CAPN14: variants seen among roughly 807,000 people sequenced by gnomAD.
The protein encoded by CAPN14 is calpain 14.
In CAPN14, 94 loss-of-function variants were observed where a neutral mutation model predicts 101.3. That is an observed-to-expected ratio of 0.93 (90% CI 0.79 to 1.10). The LOEUF (loss-of-function observed/expected upper bound fraction) is 1.10, where lower values mean the gene tolerates loss of function less well. CAPN14 is among the 50% of genes least tolerant of loss of function. The pLI is 0.00. For missense variants in CAPN14, 837 were observed against 828.4 expected, an observed-to-expected ratio of 1.01 and a Z score of -0.13; for synonymous variants, 338 against 317.9, an observed-to-expected ratio of 1.06 and a Z score of -0.67.
upstream of CAPN14, among the ~76,000 whole-genome samples, chr2:31,220,954 G>A (rs140269652): frequency 6.1e-3 from 936 of 152,286 alleles, 14 homozygotes; most frequent in African/African-American, 0.022. Flanking sequence ...AGGAAAAATT[G>A]ATGATTCCAT....
At chr2:31,207,218 G>T (rs1682143758) in intron 1 of CAPN14, among the ~76,000 whole-genome samples, 1 of 152,134 alleles carries the variant, frequency 6.6e-6, no homozygotes, top group African/African-American at 2.4e-5. Context: ...TCAAGGTCCT[G>T]CCCATCCCCC....
At chr2:31,181,532 A>ATTG (rs1168086806) in intron 16 of CAPN14, among the ~76,000 whole-genome samples, 1 of 56,906 alleles carries the variant, frequency 1.8e-5, no homozygotes, top group Non-Finnish European at 3.8e-5. Context: ...TTTTTATTTT[A>ATTG]TTATTATACC....
chr2:31,194,097 C>T (rs1042952266), intron 9 of CAPN14, among the ~76,000 whole-genome samples: 4 of 152,112 alleles, frequency 2.6e-5, no homozygotes, highest in African/African-American at 9.7e-5. Context: ...ATGGCCTTTT[C>T]AGGACAAAAA....
In CAPN14 at chr2:31,226,302, T is replaced by C. The variant is rs147316426; in HGVS notation, c.-53+226A>G. On this transcript the variant is annotated intron_variant and NMD_transcript_variant, in intron 2 of 21. Transcript: ENST00000398824. ...TCAGGTTCTCTGTGCTCACAGACAT[T>C]TTTGTAGTCATAGACTTATCTGTTA... 7.3e-3 allele frequency among the ~76,000 whole-genome samples: 1,115 copies of C among 152,278 alleles called. 9 individuals carry two copies. Among genetic ancestry groups the C allele is most frequent in the East Asian group, 0.014 (71 of 5,178 alleles).
At chr2:31,205,653 G>A (rs1439444387) in intron 1 of CAPN14, among the ~76,000 whole-genome samples, 154 bp from the exon 2 acceptor site, 2 of 152,162 alleles carry the variant, frequency 1.3e-5, no homozygotes, top group East Asian at 1.9e-4. Flanking sequence ...CCCAGAGAGT[G>A]TGGGTCCTTG....
Position 31,200,549 on chromosome 2 carries a change from T to C in CAPN14, c.628A>G (p.Met210Val). 2 of 1,551,670 alleles carry C rather than the reference T, an allele frequency of 1.3e-6. No individual in the cohort carries two copies. The highest frequency in any genetic ancestry group is 1.7e-6 in the Non-Finnish European group (2 of 1,146,984). The change falls in exon 6 of 22, where the codon ATG becomes GTG. Residue 210 changes from methionine to valine, a missense_variant. By Grantham distance (21) the Met-to-Val change is conservative. Coordinates refer to ENST00000403897, the MANE Select transcript of CAPN14 (RefSeq NM_001145122.2). ...TGGGCTTCTGCCAGGTTGATGGTCA[T>C]TGTCACCCCTCCAGTGAAGTCTACA... ...ALVDFTGGVT[M>V]TINLAEAHGN... is the part of the protein sequence containing the mutation.
At chr2:31,202,461 T>C (rs1384906917) in intron 3 of CAPN14, among the ~76,000 whole-genome samples, 1 of 152,188 alleles carries the variant, frequency 6.6e-6, no homozygotes, top group Non-Finnish European at 1.5e-5. Flanking sequence ...CAGAGCCATG[T>C]TCCTGGGCCA....
intron 1 of CAPN14, among the ~76,000 whole-genome samples, chr2:31,229,880 C>A (rs1683137385): frequency 6.6e-6 from 1 of 152,136 alleles, no homozygotes; most frequent in Non-Finnish European, 1.5e-5. Flanking sequence ...CCATGAACAA[C>A]AGATAGTGGT....
chr2:31,180,838 A>G (rs927966114), intron 17 of CAPN14, 98 bp downstream of exon 17: 28 of 1,017,676 alleles, frequency 2.8e-5, no homozygotes, highest in Non-Finnish European at 3.8e-5. Flanking sequence ...TCCCACAATT[A>G]GCAAGGATTG....
At chr2:31,209,647 T>C (rs1270788264) in intron 1 of CAPN14, among the ~76,000 whole-genome samples, 1 of 152,192 alleles carries the variant, frequency 6.6e-6, no homozygotes, top group African/African-American at 2.4e-5. Flanking sequence ...ACATTTTAAA[T>C]GTGGGAGAAG....
intron 1 of CAPN14, among the ~76,000 whole-genome samples, chr2:31,229,765 C>G (rs1683133527): frequency 6.6e-6 from 1 of 151,954 alleles, no homozygotes; most frequent in Non-Finnish European, 1.5e-5. Flanking sequence ...TGTACCCATC[C>G]CCAATTCCAT....
At position 31,212,319 on chromosome 2, in the gene CAPN14, AAAAAAAAAC is replaced by A. The variant is rs1354185000; in HGVS notation, c.-53+5128_-53+5136del. On this transcript the variant is annotated intron_variant, in intron 1 of 21. Transcript: ENST00000403897. ...AATAAGACCGTCTCAAAACAAAAAA[AAAAAAAAAC>A]AAAAAAAACACAATGTGGTACATGT... is the stretch of plus-strand genomic sequence containing the variant. 1.3e-4 allele frequency among the ~76,000 whole-genome samples: 19 copies of A among 151,118 alleles called. No homozygotes were observed. In the South Asian group the frequency reaches 3.6e-3, roughly 28 times the overall value.
chr2:31,200,345 G>T lies in CAPN14; in HGVS notation c.726+106C>A, dbSNP rs1681689874. 4.0e-6 allele frequency: 4 copies of T among 1,004,226 alleles called. No homozygotes were observed. The Admixed American group carries it at 8.1e-5, about 20-fold the overall frequency. 62.2% of individuals were successfully genotyped at this position (1,004,226 alleles called of 1,614,324 possible). A position where few individuals can be genotyped will look rare whatever the true frequency, so the allele number is the denominator to read the frequency against. ...GAACACCAGGACCTCAGCACTAGGA[G>T]CTGGGTGGAGGCCCTGAGCCCACAC... On this transcript the variant is annotated intron_variant, in intron 6 of 21. Coordinates refer to ENST00000403897, the MANE Select transcript of CAPN14 (RefSeq NM_001145122.2).
rs749771008 is a variant in CAPN14, at chr2:31,223,347, A to G, written c.-53+3181T>C. Among the ~76,000 whole-genome samples, 55 of 152,078 alleles carry G rather than the reference A, an allele frequency of 3.6e-4. 2 individuals carry two copies. Among genetic ancestry groups the G allele is most frequent in the Non-Finnish European group, 2.1e-4 (14 of 68,004 alleles). The stretch of plus-strand genomic sequence containing the variant: ...GACAGCACTTCAAATGTAACTTTCA[A>G]ATTTTTAGCTCCTTAAATTATTCAC... On this transcript the variant is annotated intron_variant and NMD_transcript_variant, in intron 2 of 21. Coordinates refer to the CAPN14 transcript ENST00000398824.
chr2:31,231,288 A>G (rs1418921522), intron 1 of CAPN14, among the ~76,000 whole-genome samples: 1 of 152,184 alleles, frequency 6.6e-6, no homozygotes, highest in African/African-American at 2.4e-5. Context: ...TTTCAATCAT[A>G]TCTCTCAATT....
At position 31,186,462 on chromosome 2, in the gene CAPN14, T is replaced by G; in HGVS notation, c.1611A>C (p.Gln537His). 1 of 1,549,778 alleles carries G rather than the reference T, an allele frequency of 6.5e-7. No homozygotes were observed. Among genetic ancestry groups the G allele is most frequent in the Non-Finnish European group, 8.7e-7 (1 of 1,146,338 alleles). Reference protein sequence around the residue: ...FEKHPEINAVQLQNLLNQMTW... With the variant: ...FEKHPEINAVHLQNLLNQMTW... ...TCATCTGGTTCAGGAGGTTCTGAAG[T>G]TGAACTGCATTAATCTCTGGATGCT... The change falls in exon 16 of 22, where the codon CAA (glutamine) becomes CAC (histidine). Residue 537 changes from glutamine to histidine, a missense_variant. Coordinates refer to ENST00000403897, the MANE Select transcript of CAPN14 (RefSeq NM_001145122.2).
chr2:31,186,616 G>A, intron 15 of CAPN14, 131 bp from the exon 16 acceptor site: 1 of 616,976 alleles, frequency 1.6e-6, no homozygotes, highest in African/African-American at 1.9e-5. Flanking sequence ...TTTTAACTGG[G>A]TGCCAACCCC....
At chr2:31,217,678 C>G (rs1352530566), upstream of CAPN14, 1 of 152,284 alleles carries the variant, frequency 6.6e-6, no homozygotes, top group Admixed American at 6.5e-5. Context: ...TTACACAAAT[C>G]CAATTATTTC....
chr2:31,178,662 T>C (rs994225431), intron 17 of CAPN14, 83 bp from the exon 18 acceptor site: 3 of 875,132 alleles, frequency 3.4e-6, no homozygotes, highest in Non-Finnish European at 5.1e-6. Context: ...CACAAAGTGA[T>C]GTGCAATTTG....
Sources: allele counts gnomAD v4.1 joint callset (sites outside exome capture counted in the v4.1 genomes callset), GRCh38; gene constraint gnomAD v4.1.1; transcripts MANE v1.5; gene names NCBI Gene and HGNC (gene_info 2026-07-23, HGNC 2026-07-21).